Variants in C14orf39 observed in about 807,000 individuals in gnomAD.
C14orf39 encodes the protein chromosome 14 open reading frame 39, also known as protein SIX6OS1.
In C14orf39, 66 loss-of-function variants were observed where a neutral mutation model predicts 85.6. The observed-to-expected ratio is 0.77, with a 90% CI of 0.63 to 0.95. The LOEUF (loss-of-function observed/expected upper bound fraction) is 0.95, where lower values mean the gene tolerates loss of function less well. Ranked by LOEUF, C14orf39 falls within the 40% of genes least tolerant of loss-of-function variation. The pLI is 0.00. For synonymous variants in C14orf39, 242 were observed against 214.0 expected (o/e 1.13, Z -1.14); for missense variants, 735 against 663.9 (o/e 1.11, Z -1.18).
chr14:60,460,395 A>G (rs550113136), intron 13 of C14orf39, among the ~76,000 whole-genome samples: 58 of 152,002 alleles, frequency 3.8e-4, no homozygotes, highest in Non-Finnish European at 7.1e-4. Context: ...GTGTGGAATA[A>G]GCATATTGTG....
intron 16 of C14orf39, among the ~76,000 whole-genome samples, chr14:60,449,071 G>A (rs1455171099): frequency 1.3e-5 from 2 of 152,100 alleles, no homozygotes; most frequent in Non-Finnish European, 2.9e-5. Flanking sequence ...AGCATTAGGA[G>A]AAATACCCAA....
At chr14:60,487,695 A>C (rs533286007), upstream of C14orf39, among the ~76,000 whole-genome samples, 2 of 152,270 alleles carry the variant, frequency 1.3e-5, no homozygotes, top group South Asian at 2.1e-4. Context: ...AAATTTTGAG[A>C]AGTCTCTTCA....
intron 8 of C14orf39, 75 bp from the exon 9 acceptor site, chr14:60,468,611 GTT>G (rs1275055354): frequency 5.2e-6 from 4 of 765,464 alleles, no homozygotes; most frequent in Non-Finnish European, 8.1e-6. Flanking sequence ...TTTATCTTAT[GTT>G]TTTTCTATAT....
chr14:60,471,803 A>G (rs1161085070), intron 5 of C14orf39, 64 bp from the exon 6 acceptor site: 1 of 932,490 alleles, frequency 1.1e-6, no homozygotes, highest in East Asian at 2.6e-5. Flanking sequence ...TTGTGAATAC[A>G]CTGTTAAAGT....
At chr14:60,493,821 C>T (rs1436109805) in intron 2 of C14orf39, 3 of 152,334 alleles carry the variant, frequency 2.0e-5, no homozygotes, top group African/African-American at 7.2e-5. Flanking sequence ...AGAGATTTCA[C>T]TGGCTGCATT....
intron 1 of C14orf39, chr14:60,510,010 G>C: frequency 1.3e-6 from 2 of 1,547,472 alleles, no homozygotes; most frequent in Non-Finnish European, 1.8e-6. Context: ...GCGCACCGGG[G>C]AGGAGGCGGG....
At chr14:60,477,296 G>T (rs916292134) in intron 5 of C14orf39, among the ~76,000 whole-genome samples, 1 of 151,786 alleles carries the variant, frequency 6.6e-6, no homozygotes, top group African/African-American at 2.4e-5. Flanking sequence ...TATAACTTTA[G>T]TCCCTACCTT....
chr14:60,482,959 T>C (rs1177607850), intron 4 of C14orf39, among the ~76,000 whole-genome samples: 1 of 150,966 alleles, frequency 6.6e-6, no homozygotes, highest in African/African-American at 2.4e-5. Context: ...AGGATGTGAG[T>C]CATTACCTAT....
At position 60,468,574 on chromosome 14, in the gene C14orf39, C is replaced by G. The variant is rs772609240; in HGVS notation, c.676-38G>C. 2.2e-5 allele frequency: 26 copies of G among 1,204,320 alleles called. No individual in the cohort carries two copies. In the South Asian group the frequency reaches 3.7e-4, roughly 17 times the overall value. The allele number at this position is 1,204,320 out of a possible 1,614,324, so 74.6% of individuals were successfully genotyped here. ...TTGGGAACACAAAACAAAATAATTA[C>G]TTGCAAAGCAGTAAAAAAAGATATG... On this transcript the variant is annotated intron_variant, in intron 8 of 17. Coordinates refer to ENST00000321731, the MANE Select transcript of C14orf39 (RefSeq NM_174978.3).
intron 16 of C14orf39, among the ~76,000 whole-genome samples, chr14:60,444,426 G>A (rs146121123): frequency 6.6e-6 from 1 of 152,054 alleles, no homozygotes; most frequent in Non-Finnish European, 1.5e-5. Context: ...TAGCCGATTC[G>A]ATTAAGTGGA....
rs1892072667 is a variant in C14orf39 at position 60,471,473 on chromosome 14, T to A, written c.512-14A>T. 1.3e-6 allele frequency: 2 copies of A among 1,596,922 alleles called. No homozygotes were observed. Among genetic ancestry groups the A allele is most frequent in the African/African-American group, 1.4e-5 (1 of 73,972 alleles). On this transcript the variant is annotated splice_polypyrimidine_tract_variant and intron_variant, in intron 6 of 17. Coordinates refer to ENST00000321731, the MANE Select transcript of C14orf39 (RefSeq NM_174978.3). ...AGGGAGCAGGCACTGAAAAATAAAG[T>A]CACAGCATAAGCTGATTATTATATT...
chr14:60,438,999 T>C (rs1333157793), intron 17 of C14orf39, among the ~76,000 whole-genome samples: 1 of 152,026 alleles, frequency 6.6e-6, no homozygotes, highest in Non-Finnish European at 1.5e-5. Context: ...AGTTCTAGAG[T>C]AGTAGTATGG....
intron 15 of C14orf39, among the ~76,000 whole-genome samples, chr14:60,456,325 T>C (rs533932882): frequency 6.6e-6 from 1 of 152,152 alleles, no homozygotes; most frequent in South Asian, 2.1e-4. Flanking sequence ...AAATGGCAAG[T>C]CTTGCTTCAG....
chr14:60,457,452 T>C (rs1284228571), intron 14 of C14orf39, among the ~76,000 whole-genome samples: 2 of 151,986 alleles, frequency 1.3e-5, no homozygotes, highest in East Asian at 3.9e-4. Context: ...GGCTATCTCC[T>C]TGAAAGTGAA....
rs759348364 is a variant in C14orf39, at chr14:60,471,443, T to C, written c.528A>G (p.Pro176=). The C allele has an allele frequency of 1.6e-5, 25 of 1,599,784 alleles. No homozygotes were observed. Among genetic ancestry groups the C allele is most frequent in the Non-Finnish European group, 2.0e-5 (23 of 1,173,278 alleles). ...TGTTTAAAGTCCATTTAGTAAGTGA[T>C]GGAAAGGGAGCAGGCACTGAAAAAT... The part of the protein sequence containing the change: ...FMKFRVPAPF[P]SLTKWTLNIV... The change falls in exon 7 of 18, where the codon CCA becomes CCG. Residue 176 remains proline, a synonymous_variant. Coordinates refer to ENST00000321731, the MANE Select transcript of C14orf39 (RefSeq NM_174978.3).
At chr14:60,464,465 A>C (rs548545904) in intron 11 of C14orf39, among the ~76,000 whole-genome samples, 2 of 152,132 alleles carry the variant, frequency 1.3e-5, no homozygotes, top group Non-Finnish European at 2.9e-5. Context: ...AGCTATATTC[A>C]GCTTCTTGTT....
At chr14:60,509,453 G>T in intron 1 of C14orf39, 3 of 1,600,078 alleles carry the variant, frequency 1.9e-6, no homozygotes, top group Non-Finnish European at 2.5e-6. Flanking sequence ...CGGGGTATGT[G>T]AGACCCTGGA....
At chr14:60,470,088 G>A (rs537487761) in intron 7 of C14orf39, among the ~76,000 whole-genome samples, 3 of 151,778 alleles carry the variant, frequency 2.0e-5, no homozygotes, top group African/African-American at 7.2e-5. Context: ...GCCAACAACA[G>A]TATGCTGGAG....
intron 1 of C14orf39, chr14:60,508,927 GC>G: frequency 1.0e-5 from 2 of 194,028 alleles, no homozygotes; most frequent in Non-Finnish European, 2.1e-5. Context: ...GAACGCTGCC[GC>G]ACTCGCCTCT....
Sources: allele counts gnomAD v4.1 joint callset (sites outside exome capture counted in the v4.1 genomes callset), GRCh38; gene constraint gnomAD v4.1.1; transcripts MANE v1.5; gene names NCBI Gene and HGNC (gene_info 2026-07-23, HGNC 2026-07-21).